SEPTIN4: variants seen among roughly 807,000 people sequenced by gnomAD.
SEPTIN4 encodes the protein septin-4.
SEPTIN4 carries 52 observed loss-of-function variants against 107.1 expected under a neutral mutation model. That is an observed-to-expected ratio of 0.49 (90% confidence interval 0.39 to 0.61). The LOEUF (loss-of-function observed/expected upper bound fraction) is 0.61, where lower values mean the gene tolerates loss of function less well. SEPTIN4 is among the 20% of genes least tolerant of loss of function. SEPTIN4 has a pLI of 0.00. For synonymous variants in SEPTIN4, 417 were observed against 467.0 expected (o/e 0.89, Z 1.38); for missense variants, 1,048 against 1,243.5 (o/e 0.84, Z 2.36).
At chr17:58,530,121 T>A (rs191827679) in intron 3 of SEPTIN4, 1 of 152,376 alleles carries the variant, frequency 6.6e-6, no homozygotes, top group East Asian at 1.9e-4. Flanking sequence ...TGCACTCAAC[T>A]AGGGGTCAGG....
At chr17:58,529,526 A>C in intron 3 of SEPTIN4, 5 of 715,066 alleles carry the variant, frequency 7.0e-6, no homozygotes, top group Non-Finnish European at 8.6e-6. Flanking sequence ...CAACCTCCCA[A>C]TGTCTGTTTG....
intron 3 of SEPTIN4, chr17:58,539,169 C>T (rs1171829135): frequency 6.5e-7 from 1 of 1,534,700 alleles, no homozygotes; most frequent in Non-Finnish European, 8.7e-7. Flanking sequence ...CTTTTCTTGG[C>T]TTCTGGGGAG....
chr17:58,526,878 G>A lies in SEPTIN4; in HGVS notation c.1715C>T (p.Thr572Ile), dbSNP rs1402987217. Reference protein sequence around the residue: ...NASCHPPEAKTWASRPQVPEP... With the variant: ...NASCHPPEAKIWASRPQVPEP... ...CGGGACTTGGGGCCTGGATGCCCAG[G>A]TCTTAGCCTCTGGTGGGTGGCAGCT... Residue 572 changes from threonine (T) to isoleucine (I), a missense_variant, in exon 4 of 14, where the codon ACC becomes ATC. Around this residue, in one of 2 missense-constraint regions of SEPTIN4, gnomAD observed 787 missense variants for 871.8 expected, o/e 0.90. Coordinates refer to ENST00000672673, the MANE Select transcript of SEPTIN4 (RefSeq NM_001368771.2). 1 of 1,614,120 alleles carries A rather than the reference G, an allele frequency of 6.2e-7. No individual in the cohort carries two copies. Among genetic ancestry groups the A allele is most frequent in the East Asian group, 2.2e-5 (1 of 44,878 alleles).
At chr17:58,534,720 C>G (rs1452555965) in intron 3 of SEPTIN4, among the ~76,000 whole-genome samples, 1 of 152,240 alleles carries the variant, frequency 6.6e-6, no homozygotes, top group African/African-American at 2.4e-5. Context: ...CTGGGAAACT[C>G]AGCTCAGCCA....
Position 58,525,611 on chromosome 17 carries a change from T to A in SEPTIN4, c.2092+84A>T, listed in dbSNP as rs1269262666. 2.4e-6 allele frequency: 3 copies of A among 1,259,624 alleles called. No individual in the cohort carries two copies. In the African/African-American group the frequency reaches 4.4e-5, roughly 19 times the overall value. The allele number at this position is 1,259,624 out of a possible 1,614,324, so 78.0% of individuals were successfully genotyped here. On this transcript the variant is annotated intron_variant, in intron 6 of 13. Coordinates refer to ENST00000672673, the MANE Select transcript of SEPTIN4 (RefSeq NM_001368771.2). ...CTAGGAGGCCATGGTTTCCTGCATG[T>A]GGGGGAGAGCCCCATCCCCCAGACT...
chr17:58,529,478 T>C (rs2043273259), intron 3 of SEPTIN4: 1 of 1,290,002 alleles, frequency 7.8e-7, no homozygotes. Context: ...GGCTGTCCCA[T>C]GACGCCTGCC....
chr17:58,528,007 C>T (rs2043116285), intron 3 of SEPTIN4: 1 of 985,352 alleles, frequency 1.0e-6, no homozygotes, highest in Non-Finnish European at 1.2e-6. Context: ...AGATTCTCCT[C>T]TCCTTTGGGG....
rs540268308 is a variant in SEPTIN4 at position 58,532,213 on chromosome 17, C to G, written c.1615-5235G>C. The G allele has an allele frequency of 2.7e-5, 15 of 553,738 alleles. No individual in the cohort carries two copies. In the East Asian group the frequency reaches 1.0e-3, roughly 39 times the overall value. The allele number at this position is 553,738 out of a possible 1,614,324, so 34.3% of individuals were successfully genotyped here. ...GGGGCCGGCCTCGCAGCCCGCGACC[C>G]CCGGATGCGCAGAGTATGCAGAGTC... On this transcript the variant is annotated intron_variant, in intron 3 of 13. Coordinates refer to ENST00000672673, the MANE Select transcript of SEPTIN4 (RefSeq NM_001368771.2).
Position 58,526,947 on chromosome 17 carries a change from T to A in SEPTIN4, c.1646A>T (p.Asp549Val), listed in dbSNP as rs777599525. 1.1e-5 allele frequency: 18 copies of A among 1,614,008 alleles called. 1 individual carries two copies. In the South Asian group the frequency reaches 2.0e-4, roughly 18 times the overall value. Reference protein sequence around the residue: ...IKRFLEDTTDDGELSKFVKDF... With the variant: ...IKRFLEDTTDVGELSKFVKDF... ...CTTCACGAACTTGCTCAGTTCTCCATCATCCGTGGTGTCCTCCAGGAAACG... is the reference window on the plus strand; with the variant it reads ...CTTCACGAACTTGCTCAGTTCTCCAACATCCGTGGTGTCCTCCAGGAAACG... Residue 549 changes from aspartate to valine, a missense_variant, in exon 4 of 14, where the codon GAT becomes GTT. By Grantham distance (152) the Asp-to-Val change is radical. This residue lies in a region of SEPTIN4 where 787 missense variants were observed against 871.8 expected (regional missense o/e 0.90). Transcript: ENST00000672673.
At chr17:58,522,994 C>T (rs1419979483) in intron 7 of SEPTIN4, among the ~76,000 whole-genome samples, 1 of 152,214 alleles carries the variant, frequency 6.6e-6, no homozygotes, top group Non-Finnish European at 1.5e-5. Flanking sequence ...TTAATCCTCA[C>T]TGCCCTGACA....
chr17:58,541,258 A>C (rs896119420), intron 2 of SEPTIN4, among the ~76,000 whole-genome samples: 2 of 152,138 alleles, frequency 1.3e-5, no homozygotes, highest in African/African-American at 4.8e-5. Flanking sequence ...TTTGGGCCAC[A>C]ATGCTCACAG....
intron 3 of SEPTIN4, chr17:58,527,953 A>G (rs1191569066): frequency 1.0e-6 from 1 of 985,582 alleles, no homozygotes; most frequent in Non-Finnish European, 1.2e-6. Context: ...AGCTCAGAAG[A>G]GGAACTGTTT....
At chr17:58,529,412 C>T (rs868536436) in intron 3 of SEPTIN4, 1 of 1,406,344 alleles carries the variant, frequency 7.1e-7, no homozygotes, top group South Asian at 1.5e-5. Flanking sequence ...CCTCCAAGGA[C>T]AGCTCAGCTG....
rs147913613 is a variant in SEPTIN4 at position 58,539,226 on chromosome 17, G to A, written c.1614+1440C>T. 74 of 1,479,082 alleles carry A rather than the reference G, an allele frequency of 5.0e-5. No individual in the cohort carries two copies. In the East Asian group the frequency reaches 1.1e-3, roughly 21 times the overall value. The allele number at this position is 1,479,082 out of a possible 1,614,324, so 91.6% of individuals were successfully genotyped here. ...CTGGAGAGCTGTAATTATCGAGACC[G>A]GATAAGAGCTATTTTAGGAAGGAGC... On this transcript the variant is annotated intron_variant, in intron 3 of 13. Transcript: ENST00000672673.
chr17:58,535,446 T>C (rs981659732), intron 3 of SEPTIN4, among the ~76,000 whole-genome samples: 1 of 152,250 alleles, frequency 6.6e-6, no homozygotes, highest in Non-Finnish European at 1.5e-5. Flanking sequence ...ACCAGATGTC[T>C]GAAGGCTCCC....
intron 4 of SEPTIN4, 123 bp downstream of exon 4, chr17:58,526,559 T>TACACACACACAA: frequency 7.6e-7 from 1 of 1,312,338 alleles, no homozygotes; most frequent in African/African-American, 2.9e-5. Flanking sequence ...AGGTCCCAGA[T>TACACACACACAA]ACACACACAC....
intron 2 of SEPTIN4, chr17:58,541,721 G>C: frequency 2.1e-6 from 3 of 1,457,136 alleles, no homozygotes; most frequent in Non-Finnish European, 2.8e-6. Context: ...CTTGAAAATG[G>C]AAAAGGTTCC....
chr17:58,541,118 T>A (rs1245782437), intron 2 of SEPTIN4, among the ~76,000 whole-genome samples: 2 of 152,152 alleles, frequency 1.3e-5, no homozygotes, highest in Non-Finnish European at 2.9e-5. Context: ...CCTTCTCTGC[T>A]CTTTGCTGAC....
rs1343743307 is a variant in SEPTIN4, at chr17:58,543,443, T to C, written c.744A>G (p.Ser248=). Residue 248 remains serine (S), a synonymous_variant, in exon 1 of 14, where the codon TCA becomes TCG. Coordinates refer to ENST00000672673, the MANE Select transcript of SEPTIN4 (RefSeq NM_001368771.2). ...GAATTGGACCGTAAGGACCTGTTTC[T>C]GATTCTTCTACAGGGACCCTTCTCT... is the stretch of plus-strand genomic sequence containing the variant. ...TAQRRVPVEE[S]ETGPYGPIPS... 1 of 1,614,254 alleles carries C rather than the reference T, an allele frequency of 6.2e-7. No individual in the cohort carries two copies. Among genetic ancestry groups the C allele is most frequent in the African/African-American group, 1.3e-5 (1 of 75,062 alleles).
Sources: gnomAD v4.1 joint callset for allele counts (sites outside exome capture counted in the v4.1 genomes callset) on GRCh38, gnomAD v4.1.1 for gene constraint, gnomAD v4.1.1 regional missense constraint, MANE v1.5 for transcripts, NCBI Gene and HGNC (gene_info 2026-07-23, HGNC 2026-07-21) for gene names.